Variants in AFF3 observed in about 807,000 individuals in gnomAD.
AFF3 encodes ALF transcription elongation factor 3.
A neutral mutation model predicts 129.7 loss-of-function variants in AFF3; 32 were observed. The observed-to-expected ratio is 0.25, with a 90% CI of 0.19 to 0.33. The LOEUF (loss-of-function observed/expected upper bound fraction) is 0.33, where lower values mean the gene tolerates loss of function less well. AFF3 is among the 10% of genes least tolerant of loss of function. The pLI is 1.00. For missense variants in AFF3, 1,373 were observed against 1,592.0 expected, an observed-to-expected ratio of 0.86 and a Z score of 2.34; for synonymous variants, 644 against 635.4, an observed-to-expected ratio of 1.01 and a Z score of -0.20.
chr2:100,034,672 A>G (rs1684769576), intron 4 of AFF3, among the ~76,000 whole-genome samples: 1 of 152,172 alleles, frequency 6.6e-6, no homozygotes, highest in Non-Finnish European at 1.5e-5. Flanking sequence ...TTTACATAAC[A>G]AAGAACCAAG....
At chr2:99,909,079 A>C (rs1458299019) in intron 7 of AFF3, among the ~76,000 whole-genome samples, 3 of 152,126 alleles carry the variant, frequency 2.0e-5, no homozygotes, top group African/African-American at 7.2e-5. Context: ...AAAGACTTGG[A>C]ACCAACCCAA....
chr2:100,127,468 G>A (rs72819178), intron 2 of AFF3, among the ~76,000 whole-genome samples: 19,015 of 152,148 alleles, frequency 0.12, 1,373 homozygotes, highest in Non-Finnish European at 0.15. Flanking sequence ...ACTAGCCTGG[G>A]GTGGGGAAAT....
At chr2:99,970,487 TG>T (rs1020782474) in intron 7 of AFF3, among the ~76,000 whole-genome samples, 1 of 152,222 alleles carries the variant, frequency 6.6e-6, no homozygotes, top group African/African-American at 2.4e-5. Flanking sequence ...CCACACACTT[TG>T]ACTTCCTTCA....
At position 100,051,927 on chromosome 2, in the gene AFF3, C is replaced by T. The variant is rs1049278941; in HGVS notation, c.54-42995G>A. 2.0e-5 allele frequency among the ~76,000 whole-genome samples: 3 copies of T among 152,174 alleles called. No individual in the cohort carries two copies. The East Asian group carries it at 5.8e-4, about 29-fold the overall frequency. The stretch of plus-strand genomic sequence containing the variant: ...TTATTTGGTTTACCTAAGTAATGGA[C>T]CCTTAAATGCAATCAATACTTCTCT... On this transcript the variant is annotated intron_variant, in intron 4 of 24. Coordinates refer to ENST00000672756, the MANE Select transcript of AFF3 (RefSeq NM_001386135.1).
At chr2:100,072,115 T>G (rs1205079020) in intron 4 of AFF3, among the ~76,000 whole-genome samples, 1 of 152,072 alleles carries the variant, frequency 6.6e-6, no homozygotes, top group Non-Finnish European at 1.5e-5. Flanking sequence ...CAGACTGTCC[T>G]CTAAATCAGG....
intron 4 of AFF3, among the ~76,000 whole-genome samples, chr2:100,035,826 T>C (rs1452029737): frequency 6.6e-6 from 1 of 152,176 alleles, no homozygotes; most frequent in Non-Finnish European, 1.5e-5. Context: ...AGTAAGGCAA[T>C]GCATGCCTTT....
chr2:99,922,121 C>T (rs1558977684), intron 7 of AFF3, among the ~76,000 whole-genome samples: 2 of 152,146 alleles, frequency 1.3e-5, no homozygotes, highest in South Asian at 4.1e-4. Context: ...AAACCGCTGA[C>T]TAAGTATGTA....
intron 7 of AFF3, among the ~76,000 whole-genome samples, chr2:99,997,514 G>A (rs796476632): frequency 1.5e-4 from 23 of 149,558 alleles, no homozygotes; most frequent in African/African-American, 5.5e-4. Context: ...GCCAAGCCAT[G>A]TTCCACTTCT....
intron 2 of AFF3, among the ~76,000 whole-genome samples, chr2:100,126,971 C>T (rs1332812158): frequency 6.6e-6 from 1 of 152,140 alleles, no homozygotes; most frequent in Admixed American, 6.5e-5. Context: ...GATGCATATA[C>T]ATTTGCTTCA....
At chr2:99,603,448 AC>A (rs1680033113) in intron 13 of AFF3, among the ~76,000 whole-genome samples, 1 of 152,102 alleles carries the variant, frequency 6.6e-6, no homozygotes, top group South Asian at 2.1e-4. Context: ...CTGAAACTGG[AC>A]CCCTTCCTTA....
At chr2:99,924,414 T>C (rs1343448569) in intron 7 of AFF3, among the ~76,000 whole-genome samples, 3 of 152,232 alleles carry the variant, frequency 2.0e-5, no homozygotes, top group South Asian at 4.1e-4. Context: ...ATATTACGAT[T>C]AGCATCTTTA....
intron 7 of AFF3, among the ~76,000 whole-genome samples, chr2:99,977,749 G>T (rs1489480857): frequency 6.6e-6 from 1 of 152,058 alleles, no homozygotes; most frequent in African/African-American, 2.4e-5. Context: ...CACACAAGGA[G>T]CTGGAAGTTC....
intron 4 of AFF3, among the ~76,000 whole-genome samples, chr2:100,045,872 A>ACTGTATTAT (rs2105092472): frequency 6.6e-6 from 1 of 152,356 alleles, no homozygotes; most frequent in Non-Finnish European, 1.5e-5. Context: ...TAATACATGT[A>ACTGTATTAT]ACATACAAAA....
At chr2:99,958,282 C>T (rs116406844) in intron 7 of AFF3, among the ~76,000 whole-genome samples, 2,220 of 152,042 alleles carry the variant, frequency 0.015, 62 homozygotes, top group African/African-American at 0.051. Flanking sequence ...CACTTAAGGT[C>T]GGGAGTTCGA....
chr2:99,615,574 G>A (rs1023308693), intron 13 of AFF3, among the ~76,000 whole-genome samples: 3 of 152,268 alleles, frequency 2.0e-5, no homozygotes, highest in Admixed American at 6.5e-5. Context: ...TGAGAAAGCT[G>A]AGAACATCCA....
At chr2:99,924,562 A>T (rs1396714020) in intron 7 of AFF3, among the ~76,000 whole-genome samples, 1 of 152,186 alleles carries the variant, frequency 6.6e-6, no homozygotes, top group East Asian at 1.9e-4. Context: ...TAATAGTTGT[A>T]TTCTCAATCT....
At chr2:99,631,287 A>G (rs374151777) in intron 13 of AFF3, among the ~76,000 whole-genome samples, 1 of 152,362 alleles carries the variant, frequency 6.6e-6, no homozygotes, top group East Asian at 1.9e-4. Context: ...CACCCAATCC[A>G]GACAATGTCC....
intron 7 of AFF3, among the ~76,000 whole-genome samples, chr2:99,842,815 G>A (rs936330018): frequency 1.3e-5 from 2 of 152,208 alleles, no homozygotes; most frequent in Admixed American, 6.5e-5. Context: ...AATATGGGGA[G>A]AAGCAGGGCT....
chr2:99,907,913 G>T (rs1009309447), intron 7 of AFF3, among the ~76,000 whole-genome samples: 4 of 152,120 alleles, frequency 2.6e-5, no homozygotes, highest in Non-Finnish European at 5.9e-5. Flanking sequence ...TCCAAGCAAA[G>T]AGAATCTTGA....
Sources: allele counts gnomAD v4.1 joint callset (sites outside exome capture counted in the v4.1 genomes callset), GRCh38; gene constraint gnomAD v4.1.1; transcripts MANE v1.5; gene names NCBI Gene and HGNC (gene_info 2026-07-23, HGNC 2026-07-21).